Variants in MAML2 observed in about 807,000 individuals in gnomAD.
MAML2 encodes mastermind-like protein 2.
In MAML2, 22 loss-of-function variants were observed where a neutral mutation model predicts 96.1. That is an observed-to-expected ratio of 0.23 (90% CI 0.16 to 0.33). The LOEUF is 0.33. Ranked by LOEUF, MAML2 falls within the 10% of genes least tolerant of loss-of-function variation. The probability of loss-of-function intolerance (pLI) is 1.00; values close to 1 mark genes in which losing one functional copy is unlikely to be tolerated. For missense variants in MAML2, 1,367 were observed against 1,392.4 expected (o/e 0.98, Z 0.29); for synonymous variants, 561 against 521.3 (o/e 1.08, Z -1.04).
chr11:95,992,305 A>C (rs1857926278), intron 2 of MAML2, among the ~76,000 whole-genome samples: 1 of 152,196 alleles, frequency 6.6e-6, no homozygotes, highest in Non-Finnish European at 1.5e-5. Context: ...GCAGTCAACA[A>C]TTCAGGTATC....
intron 1 of MAML2, among the ~76,000 whole-genome samples, chr11:96,114,184 G>A (rs1860193844): frequency 6.6e-6 from 1 of 152,160 alleles, no homozygotes; most frequent in South Asian, 2.1e-4. Flanking sequence ...CTCCCAAAGT[G>A]CTGGGATTAC....
intron 2 of MAML2, among the ~76,000 whole-genome samples, chr11:96,065,376 C>G (rs1217942165): frequency 6.6e-6 from 1 of 151,496 alleles, no homozygotes; most frequent in African/African-American, 2.4e-5. Flanking sequence ...ATACAGCACT[C>G]TCTCCCTTTC....
chr11:96,149,237 C>A (rs1860877706), intron 1 of MAML2, among the ~76,000 whole-genome samples: 1 of 151,542 alleles, frequency 6.6e-6, no homozygotes, highest in African/African-American at 2.4e-5. Flanking sequence ...CATGGTGAAA[C>A]CCTGTCTCTA....
At chr11:96,146,904 G>T (rs1470528246) in intron 1 of MAML2, among the ~76,000 whole-genome samples, 2 of 152,160 alleles carry the variant, frequency 1.3e-5, no homozygotes, top group Non-Finnish European at 2.9e-5. Flanking sequence ...TGAGAAAAAT[G>T]GTGCCAGACC....
At chr11:96,202,099 C>T (rs907481880) in intron 1 of MAML2, among the ~76,000 whole-genome samples, 83 of 147,722 alleles carry the variant, frequency 5.6e-4, no homozygotes, top group Non-Finnish European at 1.0e-3. Context: ...TTTGGGAGGC[C>T]GAGGCAGGCG....
At chr11:96,192,421 A>G (rs1382818591) in intron 1 of MAML2, among the ~76,000 whole-genome samples, 1 of 152,210 alleles carries the variant, frequency 6.6e-6, no homozygotes, top group East Asian at 1.9e-4. Context: ...CATCAGGTGC[A>G]GAATGCTAGG....
At chr11:96,131,807 C>T (rs889543032) in intron 1 of MAML2, among the ~76,000 whole-genome samples, 9 of 152,080 alleles carry the variant, frequency 5.9e-5, no homozygotes, top group African/African-American at 1.7e-4. Flanking sequence ...GTCAGGCATT[C>T]GAGACCAGCC....
chr11:96,279,348 G>A (rs1353424989), intron 1 of MAML2, among the ~76,000 whole-genome samples: 1 of 152,176 alleles, frequency 6.6e-6, no homozygotes. Flanking sequence ...CAATGTTAGG[G>A]GTGTCTTCCC....
At chr11:96,210,560 T>C (rs1861956269) in intron 1 of MAML2, among the ~76,000 whole-genome samples, 1 of 152,210 alleles carries the variant, frequency 6.6e-6, no homozygotes, top group African/African-American at 2.4e-5. Context: ...TTCAAACAGC[T>C]CTAAAACTTG....
At chr11:96,302,887 T>C (rs1371143230) in intron 1 of MAML2, among the ~76,000 whole-genome samples, 1 of 152,238 alleles carries the variant, frequency 6.6e-6, no homozygotes, top group Admixed American at 6.5e-5. Context: ...TTTAATTCTG[T>C]TCCTGTTGAA....
At chr11:96,275,266 G>A (rs183258907) in intron 1 of MAML2, among the ~76,000 whole-genome samples, 2,054 of 145,640 alleles carry the variant, frequency 0.014, 37 homozygotes, top group Non-Finnish European at 0.02. Context: ...CAAACACTAA[G>A]GAATTTTTTT....
intron 2 of MAML2, among the ~76,000 whole-genome samples, chr11:95,993,520 G>A (rs1231687231): frequency 2.0e-5 from 3 of 152,166 alleles, no homozygotes; most frequent in Non-Finnish European, 2.9e-5. Flanking sequence ...GCAGCGACCC[G>A]AGATTGTGCC....
chr11:95,986,770 G>A (rs1162201320), intron 3 of MAML2, among the ~76,000 whole-genome samples: 1 of 152,022 alleles, frequency 6.6e-6, no homozygotes, highest in Non-Finnish European at 1.5e-5. Flanking sequence ...CACAATACGA[G>A]GCCCCTTGCT....
At chr11:96,256,578 A>T (rs192779557) in intron 1 of MAML2, among the ~76,000 whole-genome samples, 2 of 152,334 alleles carry the variant, frequency 1.3e-5, no homozygotes, top group Admixed American at 1.3e-4. Flanking sequence ...TTGTTCTCTG[A>T]GCCTTATCAC....
rs962436748 is a variant in MAML2 at position 96,342,650 on chromosome 11, C to T, written c.-755G>A. The T allele has an allele frequency of 3.4e-4, 130 of 381,500 alleles. 1 individual carries two copies. Among genetic ancestry groups the T allele is most frequent in the Non-Finnish European group, 6.9e-5 (15 of 216,038 alleles). The allele number at this position is 381,500 out of a possible 1,614,324, so 23.6% of individuals were successfully genotyped here. A position where few individuals can be genotyped will look rare whatever the true frequency, so the allele number is the denominator to read the frequency against. ...AGGGAGACAGCTTTTCAACTGTTAA[C>T]AATGTCAGTAATTGGACTTTTGGAC... On this transcript the variant is annotated 5_prime_UTR_variant, in exon 1 of 5. Coordinates refer to ENST00000524717, the MANE Select transcript of MAML2 (RefSeq NM_032427.4).
chr11:96,278,179 A>G (rs1224897799), intron 1 of MAML2, among the ~76,000 whole-genome samples: 1 of 152,122 alleles, frequency 6.6e-6, no homozygotes, highest in Non-Finnish European at 1.5e-5. Flanking sequence ...CGTATCACAG[A>G]TAGCTCTTGG....
At chr11:96,295,187 A>G (rs750524821) in intron 1 of MAML2, among the ~76,000 whole-genome samples, 20 of 152,344 alleles carry the variant, frequency 1.3e-4, no homozygotes, top group Admixed American at 6.5e-4. Flanking sequence ...AATTTCTATT[A>G]CTAATTCACT....
At chr11:96,139,309 C>G (rs1860694215) in intron 1 of MAML2, among the ~76,000 whole-genome samples, 1 of 151,990 alleles carries the variant, frequency 6.6e-6, no homozygotes, top group African/African-American at 2.4e-5. Flanking sequence ...AACCCTGTCT[C>G]TACTAAAAAT....
chr11:96,281,009 G>A (rs892309705), intron 1 of MAML2, among the ~76,000 whole-genome samples: 6 of 152,156 alleles, frequency 3.9e-5, no homozygotes, highest in African/African-American at 1.2e-4. Flanking sequence ...ACTTGTAACA[G>A]TATTTTCCAA....
Sources: allele counts gnomAD v4.1 joint callset (sites outside exome capture counted in the v4.1 genomes callset), GRCh38; gene constraint gnomAD v4.1.1; transcripts MANE v1.5; gene names NCBI Gene and HGNC (gene_info 2026-07-23, HGNC 2026-07-21).